Variants in PTRH1 observed in about 807,000 individuals in gnomAD.
PTRH1 encodes peptidyl-tRNA hydrolase.
PTRH1 carries 13 observed loss-of-function variants against 15.7 expected under a neutral mutation model. The observed-to-expected ratio is 0.83, with a 90% CI of 0.54 to 1.31. PTRH1 has a LOEUF of 1.31. Ranked by LOEUF, PTRH1 falls within the 40% of genes most tolerant of loss-of-function variation. PTRH1 has a pLI of 0.00. For synonymous variants in PTRH1, 139 were observed against 136.7 expected, an observed-to-expected ratio of 1.02 and a Z score of -0.12; for missense variants, 319 against 296.2, an observed-to-expected ratio of 1.08 and a Z score of -0.56.
downstream of PTRH1, among the ~76,000 whole-genome samples, chr9:127,710,384 A>G (rs908758700): frequency 5.9e-5 from 9 of 152,092 alleles, no homozygotes; most frequent in African/African-American, 1.2e-4. Context: ...ACAAAACTTC[A>G]TAAGATTCAT....
intron 1 of PTRH1, among the ~76,000 whole-genome samples, chr9:127,700,084 A>G (rs1341431378): frequency 6.6e-6 from 1 of 152,126 alleles, no homozygotes; most frequent in East Asian, 1.9e-4. Context: ...ACTGTCTCAA[A>G]AAAATAATAA....
chr9:127,707,085 G>T, intron 1 of PTRH1: 1 of 1,613,944 alleles, frequency 6.2e-7, no homozygotes, highest in Non-Finnish European at 8.5e-7. Context: ...AAGTCAAGAA[G>T]AAAGGGGGCA....
At chr9:127,708,513 AC>A (rs1842696659) in intron 1 of PTRH1, among the ~76,000 whole-genome samples, 1 of 152,176 alleles carries the variant, frequency 6.6e-6, no homozygotes, top group Non-Finnish European at 1.5e-5. Context: ...ATTAAAAAAA[AC>A]TTTTCAAGTA....
At chr9:127,700,522 G>A (rs1388242432) in intron 1 of PTRH1, among the ~76,000 whole-genome samples, 1 of 152,104 alleles carries the variant, frequency 6.6e-6, no homozygotes, top group Non-Finnish European at 1.5e-5. Context: ...GAGATGGGGG[G>A]GTCAGACATG....
downstream of PTRH1, chr9:127,711,706 CAG>C: frequency 7.8e-7 from 1 of 1,278,720 alleles, no homozygotes; most frequent in South Asian, 1.5e-5. Context: ...AAGCAGAGTC[CAG>C]CCCTGGAGAG....
chr9:127,712,350 G>C (rs562137135), downstream of PTRH1: 9 of 1,613,668 alleles, frequency 5.6e-6, no homozygotes, highest in East Asian at 1.3e-4. Context: ...CATTCTGCAG[G>C]TGAGCAGAAG....
intron 2 of PTRH1, among the ~76,000 whole-genome samples, chr9:127,694,279 C>T (rs1020808030): frequency 2.6e-5 from 4 of 152,002 alleles, no homozygotes; most frequent in Non-Finnish European, 2.9e-5. Flanking sequence ...GGCTTTGGAA[C>T]GAGATCCAAG....
At chr9:127,696,428 C>G (rs747774941) in intron 1 of PTRH1, among the ~76,000 whole-genome samples, 9 of 152,170 alleles carry the variant, frequency 5.9e-5, no homozygotes, top group Non-Finnish European at 1.0e-4. Flanking sequence ...GAGTTAGGTG[C>G]CATTATTAGC....
downstream of PTRH1, chr9:127,710,480 C>T (rs2131587916): frequency 4.1e-6 from 5 of 1,222,420 alleles, no homozygotes; most frequent in Non-Finnish European, 5.7e-6. Flanking sequence ...AGACCTGCCC[C>T]ACTGAGACCA....
chr9:127,715,044 C>T lies in PTRH1; in HGVS notation c.247G>A (p.Asp83Asn). ...AADLALAPLG[D>N]AQLVLLRPRR... ...GGCCGGAGCAGGACCAGTTGGGCATCCCCCAGCGGGGCCAGGGCGAGGTCG... is the reference window on the plus strand; with the variant it reads ...GGCCGGAGCAGGACCAGTTGGGCATTCCCCAGCGGGGCCAGGGCGAGGTCG... Residue 83 changes from aspartate (D) to asparagine (N), a missense_variant, in exon 2 of 5, where the codon GAT (aspartate) becomes AAT (asparagine). Physicochemically the swap from Asp to Asn is conservative, Grantham distance 23. Transcript: ENST00000543175. This position sits in a 1 kb window ranked among gnomAD's most constrained non-coding sequence, Gnocchi z 5.8. The T allele has an allele frequency of 6.6e-7, 1 of 1,524,644 alleles. No homozygotes were observed. The highest frequency in any genetic ancestry group is 1.4e-5 in the African/African-American group (1 of 72,512). 94.4% of individuals were successfully genotyped at this position (1,524,644 alleles called of 1,614,324 possible).
At chr9:127,707,465 C>T (rs1205012620) in intron 1 of PTRH1, among the ~76,000 whole-genome samples, 1 of 152,142 alleles carries the variant, frequency 6.6e-6, no homozygotes, top group East Asian at 1.9e-4. Context: ...ATCCCCACGT[C>T]CCCCTGCCTC....
chr9:127,712,658 G>A, downstream of PTRH1: 1 of 1,613,824 alleles, frequency 6.2e-7, no homozygotes, highest in Non-Finnish European at 8.5e-7. Flanking sequence ...CTGGACGAGG[G>A]TGGGTACTGG....
In PTRH1 at chr9:127,708,479, AAATT is replaced by A. The variant is rs759674954; in HGVS notation, c.205+6952_205+6955del. ...GTGACAGATCGAGACTCCATTTCAA[AAATT>A]AATTAATTAATTTAATTTAATTAAA... On this transcript the variant is annotated intron_variant, in intron 1 of 2. Transcript: ENST00000335223. Among the ~76,000 whole-genome samples, 18 of 152,290 alleles carry A rather than the reference AAATT, an allele frequency of 1.2e-4. No homozygotes were observed. In the East Asian group the frequency reaches 2.3e-3, roughly 20 times the overall value.
Position 127,715,092 on chromosome 9 carries a change from T to G in PTRH1, c.199A>C (p.Thr67Pro). ...ARRLGVAESW[T>P]RDRHCAADLA... is the part of the protein sequence containing the mutation. ...TCGGCGGCACAGTGCCGGTCGCGCG[T>G]CCAACTCTCCGCCACACCCAGCCGC... Residue 67 changes from threonine to proline, a missense_variant, in exon 2 of 5, where the codon ACG becomes CCG. Thr to Pro is a conservative substitution (Grantham distance 38). Transcript: ENST00000543175. The surrounding 1 kb of genome is among the most constrained non-coding windows in gnomAD (Gnocchi z 5.8). 1 of 1,532,564 alleles carries G rather than the reference T, an allele frequency of 6.5e-7. No homozygotes were observed. The highest frequency in any genetic ancestry group is 8.7e-7 in the Non-Finnish European group (1 of 1,145,488). 94.9% of individuals were successfully genotyped at this position (1,532,564 alleles called of 1,614,324 possible). A position where few individuals can be genotyped will look rare whatever the true frequency, so the allele number is the denominator to read the frequency against.
chr9:127,695,271 CAT>C, intron 1 of PTRH1: 1 of 596,086 alleles, frequency 1.7e-6, no homozygotes, highest in Non-Finnish European at 3.0e-6. Context: ...CACACAGTTG[CAT>C]ATGTCAACAT....
chr9:127,714,606 G>T lies in PTRH1; in HGVS notation c.413C>A (p.Ala138Asp). Residue 138 changes from alanine (A) to aspartate (D), a missense_variant, in exon 3 of 5, where the codon GCC becomes GAC. Transcript: ENST00000543175. ...GRLALKLGGS[A>D]RGHNGVRSCI... ...CCTGACCATCTCAGGACCTCACCTG[G>T]CACTGCCCCCCAGCTTCAGAGCCAG... 1 of 1,613,516 alleles carries T rather than the reference G, an allele frequency of 6.2e-7. No homozygotes were observed. The highest frequency in any genetic ancestry group is 8.5e-7 in the Non-Finnish European group (1 of 1,179,630).
intron 1 of PTRH1, among the ~76,000 whole-genome samples, chr9:127,706,378 A>G (rs1286922611): frequency 6.6e-6 from 1 of 152,086 alleles, no homozygotes; most frequent in Non-Finnish European, 1.5e-5. Flanking sequence ...CCCCTTGGCT[A>G]TTGTCAGAGT....
At chr9:127,706,054 G>T (rs1438193378) in intron 1 of PTRH1, among the ~76,000 whole-genome samples, 2 of 152,210 alleles carry the variant, frequency 1.3e-5, no homozygotes, top group Non-Finnish European at 2.9e-5. Context: ...CAGCATCCCT[G>T]GACCGTATCC....
Position 127,715,216 on chromosome 9 carries a change from CTG to C in PTRH1, c.97-24_97-23del, listed in dbSNP as rs1435737288. On this transcript the variant is annotated intron_variant, in intron 1 of 4. Transcript: ENST00000543175. The surrounding 1 kb of genome is among the most constrained non-coding windows in gnomAD (Gnocchi z 5.8). ...CCACCTGCGGGCGGCACCAGGGAAA[CTG>C]AGGCCCAACAACTCTCGCCACCCCC... 3.3e-6 allele frequency: 5 copies of C among 1,526,878 alleles called. No homozygotes were observed. Among genetic ancestry groups the C allele is most frequent in the South Asian group, 1.2e-5 (1 of 83,688 alleles). The allele number at this position is 1,526,878 out of a possible 1,614,324, so 94.6% of individuals were successfully genotyped here.
Sources: gnomAD v4.1 joint callset for allele counts (sites outside exome capture counted in the v4.1 genomes callset) on GRCh38, gnomAD v4.1.1 for gene constraint, Gnocchi (gnomAD v3.1) non-coding constraint, MANE v1.5 for transcripts, NCBI Gene and HGNC (gene_info 2026-07-23, HGNC 2026-07-21) for gene names.